Variants in TMEM131L observed in about 807,000 individuals in gnomAD.
The protein encoded by TMEM131L is transmembrane protein 131-like.
Under a neutral mutation model 192.2 loss-of-function variants are expected in TMEM131L, and 54 were observed. The ratio of observed to expected loss-of-function variants is 0.28; its 90% CI spans 0.23 to 0.35. TMEM131L has a LOEUF of 0.35. TMEM131L is among the 10% of genes least tolerant of loss of function. TMEM131L has a pLI of 1.00. For synonymous variants in TMEM131L, 701 were observed against 704.9 expected (o/e 0.99, Z 0.09); for missense variants, 1,888 against 1,972.9 (o/e 0.96, Z 0.82).
chr4:153,629,398 G>T (rs1309243290), intron 31 of TMEM131L, among the ~76,000 whole-genome samples: 1 of 152,098 alleles, frequency 6.6e-6, no homozygotes, highest in East Asian at 1.9e-4. Context: ...CTCTCCAAGG[G>T]TATTACTGCA....
At chr4:153,567,937 G>A (rs1468705183) in intron 7 of TMEM131L, among the ~76,000 whole-genome samples, 1 of 152,156 alleles carries the variant, frequency 6.6e-6, no homozygotes, top group Non-Finnish European at 1.5e-5. Flanking sequence ...CCTAAGGCAA[G>A]CTAGCACTCC....
At chr4:153,534,902 G>A (rs1736196456) in intron 3 of TMEM131L, among the ~76,000 whole-genome samples, 1 of 152,226 alleles carries the variant, frequency 6.6e-6, no homozygotes, top group South Asian at 2.1e-4. Context: ...AGCACCGTGG[G>A]TACAGACCTG....
At chr4:153,519,350 G>A (rs1265582508) in intron 3 of TMEM131L, among the ~76,000 whole-genome samples, 1 of 152,198 alleles carries the variant, frequency 6.6e-6, no homozygotes, top group African/African-American at 2.4e-5. Context: ...AGTTGTTTTT[G>A]AAGTTGAAGA....
In TMEM131L at chr4:153,620,748, T is replaced by C. The variant is rs771487657; in HGVS notation, c.3568-8T>C. Reference sequence around the variant, plus strand: ...TAAACCATTAAACATTTACTTTCTCTTCTTTAGCAAGAAGATCCTTATAGG... The same window carrying C: ...TAAACCATTAAACATTTACTTTCTCCTCTTTAGCAAGAAGATCCTTATAGG... On this transcript the variant is annotated splice_polypyrimidine_tract_variant and splice_region_variant and intron_variant, in intron 26 of 34. Transcript: ENST00000409959. 2 of 1,494,102 alleles carry C rather than the reference T, an allele frequency of 1.3e-6. No individual in the cohort carries two copies. Among genetic ancestry groups the C allele is most frequent in the Admixed American group, 4.3e-5 (2 of 46,348 alleles). The allele number at this position is 1,494,102 out of a possible 1,614,324, so 92.6% of individuals were successfully genotyped here. A position where few individuals can be genotyped will look rare whatever the true frequency, so the allele number is the denominator to read the frequency against.
chr4:153,518,263 C>T (rs754083525), intron 3 of TMEM131L, among the ~76,000 whole-genome samples: 4 of 152,208 alleles, frequency 2.6e-5, no homozygotes, highest in Non-Finnish European at 4.4e-5. Context: ...ACATTAAAAA[C>T]TCCTCCTCAT....
At chr4:153,619,749 C>T (rs188330822) in intron 26 of TMEM131L, among the ~76,000 whole-genome samples, 47 of 152,336 alleles carry the variant, frequency 3.1e-4, no homozygotes, top group Admixed American at 5.9e-4. Flanking sequence ...TTCAACTTCA[C>T]AATTCCTACT....
intron 3 of TMEM131L, among the ~76,000 whole-genome samples, chr4:153,522,510 C>T (rs890220621): frequency 1.8e-4 from 28 of 152,202 alleles, no homozygotes; most frequent in African/African-American, 6.0e-4. Flanking sequence ...TGTGGCTCTT[C>T]CAGGAAGCGT....
At chr4:153,502,351 C>G (rs2150002254) in intron 3 of TMEM131L, among the ~76,000 whole-genome samples, 1 of 152,262 alleles carries the variant, frequency 6.6e-6, no homozygotes, top group South Asian at 2.1e-4. Flanking sequence ...GTGCCTGTTT[C>G]AAAATGTCTT....
intron 1 of TMEM131L, among the ~76,000 whole-genome samples, 191 bp downstream of exon 1, chr4:153,466,712 C>G (rs1333129725): frequency 1.3e-5 from 2 of 152,172 alleles, no homozygotes; most frequent in Non-Finnish European, 2.9e-5. Flanking sequence ...CCTCTCTGCC[C>G]CGTACAGCTG....
chr4:153,507,106 C>T (rs1020598531), intron 3 of TMEM131L, among the ~76,000 whole-genome samples: 7 of 152,070 alleles, frequency 4.6e-5, no homozygotes, highest in South Asian at 2.1e-4. Flanking sequence ...TTGGGCAGAG[C>T]GAGAAGTCAA....
Position 153,602,311 on chromosome 4 carries a change from C to G in TMEM131L, c.2426C>G (p.Pro809Arg), listed in dbSNP as rs1317756091. ...VLDCHQFSLD[P>R]NTSRDISIVF... is the part of the protein sequence containing the mutation. ...GATTGTCATCAGTTTTCCCTGGACCCAAACACATCCCGCGATATCAGCATT... is the reference window on the plus strand; with the variant it reads ...GATTGTCATCAGTTTTCCCTGGACCGAAACACATCCCGCGATATCAGCATT... Residue 809 changes from proline to arginine, a missense_variant, in exon 22 of 35, where the codon CCA becomes CGA. Physicochemically the swap from Pro to Arg is moderately radical, Grantham distance 103. Coordinates refer to ENST00000409959, the MANE Select transcript of TMEM131L (RefSeq NM_001131007.2). 1.9e-6 allele frequency: 3 copies of G among 1,613,426 alleles called. No homozygotes were observed. The Admixed American group carries it at 5.0e-5, about 27-fold the overall frequency.
chr4:153,532,166 T>G (rs961378053), intron 3 of TMEM131L, among the ~76,000 whole-genome samples: 3 of 152,218 alleles, frequency 2.0e-5, no homozygotes, highest in Admixed American at 1.3e-4. Flanking sequence ...ATTTTGCACT[T>G]GGATAATAGT....
At chr4:153,467,324 G>C in intron 2 of TMEM131L, 43 bp downstream of exon 2, 1 of 1,523,260 alleles carries the variant, frequency 6.6e-7, no homozygotes, top group South Asian at 1.2e-5. Flanking sequence ...GTGTACGAGG[G>C]AGGAGAGGCG....
chr4:153,483,991 G>A lies in TMEM131L; in HGVS notation c.239+10103G>A, dbSNP rs1185796563. Among the ~76,000 whole-genome samples, 3 of 152,146 alleles carry A rather than the reference G, an allele frequency of 2.0e-5. No homozygotes were observed. The East Asian group carries it at 5.8e-4, about 29-fold the overall frequency. ...TGTGAGGGTGTTCTGGATATGTTATGATATTAAGCTTCTTATTGCTTAAGA... is the reference window on the plus strand; with the variant it reads ...TGTGAGGGTGTTCTGGATATGTTATAATATTAAGCTTCTTATTGCTTAAGA... On this transcript the variant is annotated intron_variant, in intron 3 of 34. Coordinates refer to ENST00000409959, the MANE Select transcript of TMEM131L (RefSeq NM_001131007.2).
chr4:153,473,881 G>C lies in TMEM131L; in HGVS notation c.232G>C (p.Glu78Gln), dbSNP rs951063084. Residue 78 changes from glutamate (E) to glutamine (Q), a missense_variant, in exon 3 of 35, where the codon GAA becomes CAA. Glu to Gln is a conservative substitution (Grantham distance 29). Transcript: ENST00000409959. ...SEEGLEEPSQ[E>Q]QSFSDKLFSG... ...AGAGGGTCTGGAGGAGCCTTCTCAA[G>C]AACAGAGGTAAGGAAAAAATGGGGG... 7 of 1,545,334 alleles carry C rather than the reference G, an allele frequency of 4.5e-6. No homozygotes were observed. The highest frequency in any genetic ancestry group is 5.2e-6 in the Non-Finnish European group (6 of 1,144,364).
At chr4:153,590,896 TC>T (rs1395773520) in intron 16 of TMEM131L, among the ~76,000 whole-genome samples, 156 bp from the exon 17 acceptor site, 1 of 152,230 alleles carries the variant, frequency 6.6e-6, no homozygotes, top group African/African-American at 2.4e-5. Context: ...TCTTGTACTT[TC>T]CCATCCCCAG....
chr4:153,606,571 A>G (rs1485948107), intron 25 of TMEM131L, among the ~76,000 whole-genome samples: 1 of 152,252 alleles, frequency 6.6e-6, no homozygotes, highest in Non-Finnish European at 1.5e-5. Context: ...CAAGATGAGC[A>G]GGTAATAACA....
intron 27 of TMEM131L, 71 bp downstream of exon 27, chr4:153,620,951 C>A: frequency 1.6e-6 from 2 of 1,221,776 alleles, no homozygotes; most frequent in Non-Finnish European, 2.3e-6. Flanking sequence ...TGGCTATTCA[C>A]TTTTAAACTT....
chr4:153,574,831 G>A (rs780430280), intron 7 of TMEM131L, among the ~76,000 whole-genome samples: 4 of 152,178 alleles, frequency 2.6e-5, no homozygotes, highest in South Asian at 2.1e-4. Flanking sequence ...CGAGTGATCC[G>A]CCCTCCTTGG....
Sources: allele counts gnomAD v4.1 joint callset (sites outside exome capture counted in the v4.1 genomes callset), GRCh38; gene constraint gnomAD v4.1.1; transcripts MANE v1.5; gene names NCBI Gene and HGNC (gene_info 2026-07-23, HGNC 2026-07-21).